The following BCAS3 variants were observed in gnomAD, a reference collection of about 807,000 sequenced individuals.
The protein encoded by BCAS3 is BCAS3 microtubule associated cell migration factor, also known as BCAS4/BCAS3 fusion.
A neutral mutation model predicts 116.1 loss-of-function variants in BCAS3; 53 were observed. The observed-to-expected ratio is 0.46, with a 90% CI of 0.37 to 0.57. The LOEUF is 0.57. Among genes scored for constraint, BCAS3 ranks in the 20% least tolerant of loss-of-function variants. The pLI, the probability that BCAS3 is intolerant of heterozygous loss-of-function variation, is 0.00. For synonymous variants in BCAS3, 391 were observed against 408.2 expected, an observed-to-expected ratio of 0.96 and a Z score of 0.51; for missense variants, 917 against 1,165.4, an observed-to-expected ratio of 0.79 and a Z score of 3.10.
At chr17:61,120,364 C>G (rs2075721956) in intron 22 of BCAS3, among the ~76,000 whole-genome samples, 1 of 152,074 alleles carries the variant, frequency 6.6e-6, no homozygotes, top group Admixed American at 6.5e-5. Flanking sequence ...AAATGGTGTT[C>G]TGTTGTAAAT....
At chr17:60,780,076 G>T (rs1354128725) in intron 6 of BCAS3, among the ~76,000 whole-genome samples, 1 of 150,282 alleles carries the variant, frequency 6.7e-6, no homozygotes, top group Non-Finnish European at 1.5e-5. Flanking sequence ...TGCAAGCTCC[G>T]CCTCCTGGAT....
chr17:61,036,588 T>G (rs919797857), intron 17 of BCAS3, among the ~76,000 whole-genome samples: 1 of 152,226 alleles, frequency 6.6e-6, no homozygotes, highest in African/African-American at 2.4e-5. Context: ...TATGTCCCTC[T>G]GGCTGATCAT....
chr17:60,892,408 A>G (rs2057223907), intron 10 of BCAS3, among the ~76,000 whole-genome samples: 1 of 149,618 alleles, frequency 6.7e-6, no homozygotes, highest in Non-Finnish European at 1.5e-5. Flanking sequence ...TGCCTCCTGG[A>G]TTCAAGTGAT....
chr17:60,886,822 G>A (rs2056690523), intron 9 of BCAS3, among the ~76,000 whole-genome samples: 1 of 151,886 alleles, frequency 6.6e-6, no homozygotes, highest in African/African-American at 2.4e-5. Flanking sequence ...CCAGCTGCGT[G>A]CTGGGAGAAC....
rs1399000219 is a variant in BCAS3, at chr17:61,244,972, G to T, written c.2426-123355G>T. 3.9e-5 allele frequency among the ~76,000 whole-genome samples: 6 copies of T among 152,162 alleles called. No individual in the cohort carries two copies. Reference sequence around the variant, plus strand: ...TTTCATTATTCATCTTTCTAAATGTGGTGTAATAGACTATAATTTTAGTAA... The same window carrying T: ...TTTCATTATTCATCTTTCTAAATGTTGTGTAATAGACTATAATTTTAGTAA... On this transcript the variant is annotated intron_variant, in intron 22 of 23. Coordinates refer to ENST00000407086, the MANE Select transcript of BCAS3 (RefSeq NM_017679.5). This position sits in a 1 kb window ranked among gnomAD's most constrained non-coding sequence, Gnocchi z 4.9.
At chr17:61,070,390 T>TAC (rs1178139845) in intron 19 of BCAS3, 6 of 171,612 alleles carry the variant, frequency 3.5e-5, no homozygotes, top group East Asian at 1.4e-4. Context: ...TATATATATA[T>TAC]ATATATATAT....
At chr17:60,707,622 A>G (rs1411567882) in intron 4 of BCAS3, among the ~76,000 whole-genome samples, 1 of 152,198 alleles carries the variant, frequency 6.6e-6, no homozygotes, top group Non-Finnish European at 1.5e-5. Flanking sequence ...GGGAGGAAGC[A>G]TTCAGTCTTT....
intron 5 of BCAS3, among the ~76,000 whole-genome samples, chr17:60,734,479 T>A (rs1240772326): frequency 6.6e-6 from 1 of 152,238 alleles, no homozygotes; most frequent in Non-Finnish European, 1.5e-5. Flanking sequence ...CATTTAGGTC[T>A]GTAATCCATT....
rs778722592 is a variant in BCAS3, at chr17:60,814,298, T to TGCGC, written c.476+6223_476+6224insCGCG. Among the ~76,000 whole-genome samples, 93 of 115,108 alleles carry TGCGC rather than the reference T, an allele frequency of 8.1e-4. 1 individual carries two copies. The highest frequency in any genetic ancestry group is 5.1e-3 in the African/African-American group (92 of 18,176). 75.5% of individuals were successfully genotyped at this position (115,108 alleles called of 152,430 possible). Reference sequence around the variant, plus strand: ...GTGTGTGTGTGTGTGTGTGTGTGTGTGTGTGTGTGCGCGCGTGCCCATTGC... The same window carrying TGCGC: ...GTGTGTGTGTGTGTGTGTGTGTGTGTGCGCGTGTGTGTGCGCGCGTGCCCATTGC... On this transcript the variant is annotated intron_variant, in intron 7 of 23. Coordinates refer to ENST00000407086, the MANE Select transcript of BCAS3 (RefSeq NM_017679.5).
intron 21 of BCAS3, among the ~76,000 whole-genome samples, chr17:61,080,653 G>A (rs1412270786): frequency 3.3e-5 from 5 of 152,042 alleles, no homozygotes; most frequent in African/African-American, 7.2e-5. Context: ...CCAGCTACTC[G>A]GGAGGCTGCG....
In BCAS3 at chr17:61,124,680, C is replaced by T. The variant is rs2143829427; in HGVS notation, c.2425+40116C>T. 6.6e-6 allele frequency among the ~76,000 whole-genome samples: 1 copy of T among 152,046 alleles called. No homozygotes were observed. Among genetic ancestry groups the T allele is most frequent in the Non-Finnish European group, 1.5e-5 (1 of 67,976 alleles). On this transcript the variant is annotated intron_variant, in intron 22 of 23. Transcript: ENST00000407086. The surrounding 1 kb of genome is among the most constrained non-coding windows in gnomAD (Gnocchi z 4.6). ...TTTGAAATATGAGAGATTTGTCAGCCCTTTGAAAAAATGGTTATAGTTCAT... is the reference window on the plus strand; with the variant it reads ...TTTGAAATATGAGAGATTTGTCAGCTCTTTGAAAAAATGGTTATAGTTCAT...
chr17:60,697,972 GATT>G (rs1175236858), intron 4 of BCAS3, among the ~76,000 whole-genome samples: 2 of 152,138 alleles, frequency 1.3e-5, no homozygotes, highest in African/African-American at 4.8e-5. Flanking sequence ...GAGGTCAGGA[GATT>G]GAGACCATCC....
chr17:61,322,852 GAGAC>G (rs1455529970), intron 22 of BCAS3, among the ~76,000 whole-genome samples: 32 of 139,980 alleles, frequency 2.3e-4, no homozygotes, highest in African/African-American at 4.3e-4. Flanking sequence ...GAGAGAGAGA[GAGAC>G]AGAGAGAGAG....
chr17:61,140,220 G>A lies in BCAS3; in HGVS notation c.2425+55656G>A, dbSNP rs1323767127. On this transcript the variant is annotated intron_variant, in intron 22 of 23. Transcript: ENST00000407086. The surrounding 1 kb of genome is among the most constrained non-coding windows in gnomAD (Gnocchi z 4.2). ...CCACTGCACTCCAGCCTGGGTGACA[G>A]AGCAAGACTCCATCTCAAAAAAAAG... 1.3e-5 allele frequency among the ~76,000 whole-genome samples: 2 copies of A among 152,134 alleles called. No individual in the cohort carries two copies. Among genetic ancestry groups the A allele is most frequent in the African/African-American group, 4.8e-5 (2 of 41,434 alleles).
rs572593280 is a variant in BCAS3, at chr17:61,220,080, G to T, written c.2425+135516G>T. ...GGAGGTTGAGGTGGGCAGATCACAC[G>T]GTCAGGAGTTTGAGACCAGCCTGGC... On this transcript the variant is annotated intron_variant, in intron 22 of 23. Coordinates refer to ENST00000407086, the MANE Select transcript of BCAS3 (RefSeq NM_017679.5). This position sits in a 1 kb window ranked among gnomAD's most constrained non-coding sequence, Gnocchi z 4.5. Among the ~76,000 whole-genome samples the T allele has an allele frequency of 7.9e-4, 121 of 152,254 alleles. No homozygotes were observed. The highest frequency in any genetic ancestry group is 2.7e-3 in the African/African-American group (114 of 41,548).
intron 22 of BCAS3, among the ~76,000 whole-genome samples, chr17:61,342,467 G>A (rs554514623): frequency 7.9e-5 from 12 of 152,238 alleles, no homozygotes; most frequent in Non-Finnish European, 1.5e-4. Flanking sequence ...TCTTAAGAAC[G>A]CCATTCCCTT....
intron 6 of BCAS3, among the ~76,000 whole-genome samples, chr17:60,806,475 C>G (rs940348290): frequency 3.3e-5 from 5 of 151,900 alleles, no homozygotes; most frequent in Admixed American, 1.3e-4. Flanking sequence ...GTGGTTTGTC[C>G]TGAGCTCCTT....
At chr17:61,318,854 T>C (rs74589001) in intron 22 of BCAS3, among the ~76,000 whole-genome samples, 8,314 of 152,332 alleles carry the variant, frequency 0.055, 315 homozygotes, top group Middle Eastern at 0.13. Context: ...GTTGGTATGA[T>C]AATAGCCGCA....
rs926890981 is a variant in BCAS3, at chr17:61,106,729, C to A, written c.2425+22165C>A. On this transcript the variant is annotated intron_variant, in intron 22 of 23. Coordinates refer to ENST00000407086, the MANE Select transcript of BCAS3 (RefSeq NM_017679.5). The surrounding 1 kb of genome is among the most constrained non-coding windows in gnomAD (Gnocchi z 4.2). Reference sequence around the variant, plus strand: ...TATTGTTAGCAGATTTCCTTCAAGTCATTAAATATTTTTGAAGACATAGAT... The same window carrying A: ...TATTGTTAGCAGATTTCCTTCAAGTAATTAAATATTTTTGAAGACATAGAT... 6.6e-6 allele frequency among the ~76,000 whole-genome samples: 1 copy of A among 152,142 alleles called. No homozygotes were observed. Among genetic ancestry groups the A allele is most frequent in the Non-Finnish European group, 1.5e-5 (1 of 68,028 alleles).
Sources: allele counts gnomAD v4.1 joint callset (sites outside exome capture counted in the v4.1 genomes callset), GRCh38; gene constraint gnomAD v4.1.1; non-coding constraint Gnocchi (gnomAD v3.1); transcripts MANE v1.5; gene names NCBI Gene and HGNC (gene_info 2026-07-23, HGNC 2026-07-21).